Variants in PTPRJ observed in about 807,000 individuals in gnomAD.
The protein encoded by PTPRJ is receptor-type tyrosine-protein phosphatase eta.
Under a neutral mutation model 141.3 loss-of-function variants are expected in PTPRJ, and 129 were observed. The observed-to-expected ratio is 0.91, with a 90% CI of 0.79 to 1.06. The LOEUF (loss-of-function observed/expected upper bound fraction) is 1.06, where lower values mean the gene tolerates loss of function less well. Among genes scored for constraint, PTPRJ ranks in the 50% least tolerant of loss-of-function variants. The pLI, the probability that PTPRJ is intolerant of heterozygous loss-of-function variation, is 0.00. For missense variants in PTPRJ, 1,601 were observed against 1,679.7 expected (o/e 0.95, Z 0.82); for synonymous variants, 610 against 640.5 (o/e 0.95, Z 0.72).
intron 1 of PTPRJ, among the ~76,000 whole-genome samples, chr11:48,071,517 C>CGT (rs973200145): frequency 6.6e-6 from 1 of 150,954 alleles, no homozygotes; most frequent in Non-Finnish European, 1.5e-5. Context: ...GGGGTTTCAC[C>CGT]GTGTTAGCCA....
chr11:48,065,004 CTTTTTTTT>C (rs61139660), intron 1 of PTPRJ, among the ~76,000 whole-genome samples: 3 of 117,208 alleles, frequency 2.6e-5, no homozygotes, highest in Admixed American at 8.5e-5. Context: ...CCTCAACTAC[CTTTTTTTT>C]TTTTTTTTTT....
intron 1 of PTPRJ, among the ~76,000 whole-genome samples, chr11:48,102,363 A>G (rs1856170252): frequency 6.6e-6 from 1 of 152,138 alleles, no homozygotes; most frequent in South Asian, 2.1e-4. Context: ...AGAAAGCCAG[A>G]TGTATTTCTG....
At chr11:48,086,543 G>C (rs747616445) in intron 1 of PTPRJ, among the ~76,000 whole-genome samples, 1 of 152,222 alleles carries the variant, frequency 6.6e-6, no homozygotes, top group Admixed American at 6.5e-5. Flanking sequence ...ACAGGTGAAG[G>C]CTCAGTTACA....
chr11:48,100,167 CAGA>C (rs942474451), intron 1 of PTPRJ, among the ~76,000 whole-genome samples: 1 of 152,140 alleles, frequency 6.6e-6, no homozygotes, highest in African/African-American at 2.4e-5. Flanking sequence ...CCATGATGGA[CAGA>C]AGGAGACAAG....
At chr11:47,987,918 G>A (rs1854091357) in intron 1 of PTPRJ, among the ~76,000 whole-genome samples, 1 of 152,214 alleles carries the variant, frequency 6.6e-6, no homozygotes, top group Non-Finnish European at 1.5e-5. Context: ...AGCTCCCACA[G>A]AAGGTCTAAT....
At chr11:48,048,546 C>T (rs1210690013) in intron 1 of PTPRJ, among the ~76,000 whole-genome samples, 1 of 152,226 alleles carries the variant, frequency 6.6e-6, no homozygotes, top group Non-Finnish European at 1.5e-5. Flanking sequence ...GTAATCTCAG[C>T]ACTTTGGGAG....
intron 1 of PTPRJ, among the ~76,000 whole-genome samples, chr11:48,070,437 G>T (rs988552119): frequency 8.6e-5 from 13 of 150,528 alleles, no homozygotes; most frequent in African/African-American, 3.2e-4. Flanking sequence ...GGAGGCGGAG[G>T]TTGCAGTGAG....
chr11:48,094,354 C>A (rs1315818553), intron 1 of PTPRJ, among the ~76,000 whole-genome samples: 1 of 152,162 alleles, frequency 6.6e-6, no homozygotes, highest in Non-Finnish European at 1.5e-5. Flanking sequence ...GCAATAAAGT[C>A]ATTTTGTCAA....
At chr11:48,050,352 C>T (rs1005451331) in intron 1 of PTPRJ, among the ~76,000 whole-genome samples, 6 of 152,116 alleles carry the variant, frequency 3.9e-5, no homozygotes, top group Non-Finnish European at 7.4e-5. Flanking sequence ...CGGCCTCCCC[C>T]GTTAGCAACA....
chr11:48,018,335 G>A (rs928499200), intron 1 of PTPRJ, among the ~76,000 whole-genome samples: 1 of 151,952 alleles, frequency 6.6e-6, no homozygotes, highest in African/African-American at 2.4e-5. Flanking sequence ...TACACACCCG[G>A]GATGCTGCTG....
chr11:48,141,902 T>C (rs866574488), intron 11 of PTPRJ, among the ~76,000 whole-genome samples: 10 of 151,992 alleles, frequency 6.6e-5, no homozygotes, highest in Admixed American at 2.6e-4. Context: ...CAAGCAACCA[T>C]TGTAAATACT....
intron 1 of PTPRJ, among the ~76,000 whole-genome samples, chr11:48,109,659 C>G (rs947968953): frequency 6.6e-6 from 1 of 151,500 alleles, no homozygotes; most frequent in Non-Finnish European, 1.5e-5. Context: ...CCCCCCCACC[C>G]AACCCCCTTT....
intron 24 of PTPRJ, 92 bp from the exon 25 acceptor site, chr11:48,167,112 G>T: frequency 8.0e-7 from 1 of 1,244,428 alleles, no homozygotes. Flanking sequence ...TTGGGAGTTG[G>T]GCGGGGGAAT....
At chr11:48,139,238 G>A (rs1025761484) in intron 10 of PTPRJ, among the ~76,000 whole-genome samples, 6 of 152,202 alleles carry the variant, frequency 3.9e-5, no homozygotes, top group East Asian at 1.9e-4. Flanking sequence ...TCTTCCAGGC[G>A]TCTTTCTTGG....
intron 8 of PTPRJ, among the ~76,000 whole-genome samples, chr11:48,134,534 A>G (rs904100412): frequency 1.3e-5 from 2 of 152,188 alleles, no homozygotes; most frequent in African/African-American, 4.8e-5. Flanking sequence ...ATCCACTTAA[A>G]ATTAAAAAAA....
chr11:48,102,910 G>A (rs529452898), intron 1 of PTPRJ, among the ~76,000 whole-genome samples: 6 of 152,094 alleles, frequency 3.9e-5, no homozygotes, highest in Non-Finnish European at 7.4e-5. Context: ...GAAGAGATTA[G>A]CCCTGTGGAG....
chr11:48,144,783 C>T lies in PTPRJ; in HGVS notation c.2684C>T (p.Ser895Phe). The T allele has an allele frequency of 6.2e-7, 1 of 1,614,146 alleles. No individual in the cohort carries two copies. Among genetic ancestry groups the T allele is most frequent in the Non-Finnish European group, 8.5e-7 (1 of 1,179,988 alleles). ...YLIRTEEKGR[S>F]QSLSEVLKYE... ...ATAAGAACAGAAGAAAAGGGACGTT[C>T]TCAGAGCTTGTCTGAAGTTTTGAAA... Residue 895 changes from serine to phenylalanine, a missense_variant, in exon 13 of 25, where the codon TCT (serine) becomes TTT (phenylalanine). Ser to Phe is a radical substitution (Grantham distance 155). Coordinates refer to ENST00000418331, the MANE Select transcript of PTPRJ (RefSeq NM_002843.4).
intron 1 of PTPRJ, among the ~76,000 whole-genome samples, chr11:48,106,456 A>C: frequency 6.6e-6 from 1 of 152,216 alleles, no homozygotes; most frequent in Non-Finnish European, 1.5e-5. Context: ...TGCACAGTAC[A>C]GAAGCGGGGA....
At chr11:48,127,704 A>G in intron 6 of PTPRJ, 76 bp from the exon 7 acceptor site, 3 of 1,466,178 alleles carry the variant, frequency 2.0e-6, no homozygotes, top group Non-Finnish European at 1.9e-6. Flanking sequence ...TGGGCTTGAC[A>G]GCATGCCCTG....
Sources: allele counts gnomAD v4.1 joint callset (sites outside exome capture counted in the v4.1 genomes callset), GRCh38; gene constraint gnomAD v4.1.1; transcripts MANE v1.5; gene names NCBI Gene and HGNC (gene_info 2026-07-23, HGNC 2026-07-21).